The following SLC9A7 variants were observed in gnomAD, a reference collection of about 807,000 sequenced individuals.
SLC9A7 encodes solute carrier family 9 member A7.
SLC9A7 carries 19 observed loss-of-function variants against 52.6 expected under a neutral mutation model. The observed-to-expected ratio is 0.36, with a 90% CI of 0.25 to 0.53. SLC9A7 has a LOEUF of 0.53. Ranked by LOEUF, SLC9A7 falls within the 20% of genes least tolerant of loss-of-function variation. SLC9A7 has a pLI of 0.91. For missense variants in SLC9A7, 455 were observed against 597.9 expected (o/e 0.76, Z 2.49); for synonymous variants, 226 against 252.1 (o/e 0.90, Z 0.98).
At chrX:46,669,078 G>A (rs1488025429) in intron 5 of SLC9A7, among the ~76,000 whole-genome samples, 3 of 107,510 alleles carry the variant, frequency 2.8e-5, no homozygotes, top group African/African-American at 1.0e-4. Context: ...TGAGGCAGGA[G>A]AATGGCGTGA....
intron 1 of SLC9A7, among the ~76,000 whole-genome samples, chrX:46,755,901 T>C (rs782613230): frequency 9.2e-6 from 1 of 108,708 alleles, no homozygotes; most frequent in South Asian, 4.0e-4. Flanking sequence ...CCCACTCCTA[T>C]TTCACAGCCA....
intron 11 of SLC9A7, chrX:46,647,100 G>T: frequency 3.0e-6 from 1 of 333,726 alleles, no homozygotes. Context: ...ACTACGGGCA[G>T]CCACATCAGG....
intron 1 of SLC9A7, among the ~76,000 whole-genome samples, chrX:46,723,421 G>A (rs763539285): frequency 4.6e-5 from 5 of 109,363 alleles, no homozygotes; most frequent in Non-Finnish European, 9.5e-5. Flanking sequence ...CACACTCATT[G>A]TTCAGACTTG....
rs782133366 is a variant in SLC9A7 at position 46,758,750 on chromosome X, G to T, written c.280C>A (p.Arg94Ser). Residue 94 changes from arginine to serine, a missense_variant, in exon 1 of 17, where the codon CGC (arginine) becomes AGC (serine). Physicochemically the swap from Arg to Ser is moderately radical, Grantham distance 110. Coordinates refer to ENST00000616978, the MANE Select transcript of SLC9A7 (RefSeq NM_001257291.2). ...TILTIWLFKH[R>S]RVRFLHETGL... ...GTCTCGTGCAGAAAGCGCACCCGGC[G>T]GTGCTTGAAGAGCCAGATGGTGAGG... is the stretch of plus-strand genomic sequence containing the variant. 1 of 1,199,081 alleles carries T rather than the reference G, an allele frequency of 8.3e-7. No homozygotes were observed. Among genetic ancestry groups the T allele is most frequent in the Non-Finnish European group, 1.1e-6 (1 of 888,990 alleles).
At chrX:46,668,084 TCTA>T (rs1303365588) in intron 5 of SLC9A7, among the ~76,000 whole-genome samples, 1 of 112,335 alleles carries the variant, frequency 8.9e-6, no homozygotes, top group African/African-American at 3.2e-5. Flanking sequence ...CATGTGTGTT[TCTA>T]CTAAGAAAAG....
chrX:46,661,200 C>T (rs1176028264), intron 7 of SLC9A7, among the ~76,000 whole-genome samples: 1 of 102,580 alleles, frequency 9.7e-6, no homozygotes, highest in Non-Finnish European at 2.0e-5. Flanking sequence ...GGAAGGGGAA[C>T]ATCACACTCT....
intron 4 of SLC9A7, among the ~76,000 whole-genome samples, chrX:46,672,239 T>C (rs1944036323): frequency 8.9e-6 from 1 of 111,736 alleles, no homozygotes; most frequent in African/African-American, 3.3e-5. Context: ...CATTACAAGA[T>C]ACTCCCTTTT....
chrX:46,635,967 G>T lies in SLC9A7; in HGVS notation c.1617-319C>A, dbSNP rs188759535. 4.1e-3 allele frequency among the ~76,000 whole-genome samples: 463 copies of T among 111,720 alleles called. 1 individual carries two copies. Among genetic ancestry groups the T allele is most frequent in the Middle Eastern group, 0.033 (7 of 215 alleles). On this transcript the variant is annotated intron_variant, in intron 12 of 16. Coordinates refer to ENST00000616978, the MANE Select transcript of SLC9A7 (RefSeq NM_001257291.2). ...AAAACAAATTTACATAATTTTTTCA[G>T]AAATTCATTTGTTTATAAAGATACC...
intron 12 of SLC9A7, among the ~76,000 whole-genome samples, chrX:46,642,317 GC>G (rs765219570): frequency 2.0e-4 from 22 of 112,769 alleles, no homozygotes; most frequent in Non-Finnish European, 3.6e-4. Flanking sequence ...CCACCTTGTG[GC>G]TTTTCAGAGA....
chrX:46,714,487 CCTACTGGACT>C (rs948587787), intron 1 of SLC9A7, among the ~76,000 whole-genome samples: 4 of 111,616 alleles, frequency 3.6e-5, no homozygotes, highest in African/African-American at 9.8e-5. Context: ...AATTTTATTT[CCTACTGGACT>C]CTACAAGGAC....
rs1230687657 is a variant in SLC9A7 at position 46,606,910 on chromosome X, C to T, written c.*42G>A. 8.3e-7 allele frequency: 1 copy of T among 1,206,800 alleles called. No individual in the cohort carries two copies. The highest frequency in any genetic ancestry group is 1.8e-5 in the African/African-American group (1 of 57,017). On this transcript the variant is annotated 3_prime_UTR_variant, in exon 17 of 17. Transcript: ENST00000616978. ...CTAGGGCTTGCAGCTGTCCTCACCCCATCGGGAGCCTACCCCATCGCGCCA... is the reference window on the plus strand; with the variant it reads ...CTAGGGCTTGCAGCTGTCCTCACCCTATCGGGAGCCTACCCCATCGCGCCA...
chrX:46,746,870 A>G (rs775143461), intron 1 of SLC9A7, among the ~76,000 whole-genome samples: 1 of 112,780 alleles, frequency 8.9e-6, no homozygotes, highest in Non-Finnish European at 1.9e-5. Context: ...GTTCACAATA[A>G]CCAAAATATG....
At chrX:46,732,890 G>C (rs1042655602) in intron 1 of SLC9A7, among the ~76,000 whole-genome samples, 2 of 112,070 alleles carry the variant, frequency 1.8e-5, no homozygotes, top group Non-Finnish European at 3.8e-5. Context: ...AGCTATGAAA[G>C]AAAAGAATGA....
chrX:46,732,496 T>TGAGCC (rs995502611), intron 1 of SLC9A7, among the ~76,000 whole-genome samples: 3 of 108,406 alleles, frequency 2.8e-5, no homozygotes, highest in Non-Finnish European at 3.8e-5. Flanking sequence ...GAGGTTGCAG[T>TGAGCC]GAGCCAAGAT....
In SLC9A7 at chrX:46,758,632, G is replaced by A. The variant is rs997309479; in HGVS notation, c.325+73C>T. On this transcript the variant is annotated intron_variant, in intron 1 of 16. Coordinates refer to ENST00000616978, the MANE Select transcript of SLC9A7 (RefSeq NM_001257291.2). ...GAACACGTTGGCAAGTGAAGGGGGAGCACCGCGCGGCGCCAGGAGGAGCGC... is the reference window on the plus strand; with the variant it reads ...GAACACGTTGGCAAGTGAAGGGGGAACACCGCGCGGCGCCAGGAGGAGCGC... 11 of 663,473 alleles carry A rather than the reference G, an allele frequency of 1.7e-5. No homozygotes were observed. In the African/African-American group the frequency reaches 2.3e-4, roughly 14 times the overall value. The allele number at this position is 663,473 out of a possible 1,213,427, so 54.7% of individuals were successfully genotyped here.
Position 46,636,634 on chromosome X carries a change from T to C in SLC9A7, c.1617-986A>G, listed in dbSNP as rs754361823. Among the ~76,000 whole-genome samples the C allele has an allele frequency of 3.7e-5, 4 of 109,304 alleles. No homozygotes were observed. In the East Asian group the frequency reaches 1.1e-3, roughly 31 times the overall value. The allele number at this position is 109,304 out of a possible 115,157, so 94.9% of individuals were successfully genotyped here. A position where few individuals can be genotyped will look rare whatever the true frequency, so the allele number is the denominator to read the frequency against. ...TCATGGGTATAAAAATTGGTTCTTG[T>C]AGGTTAAAAAAAAAAAACCACTCAG... On this transcript the variant is annotated intron_variant, in intron 12 of 16. Coordinates refer to ENST00000616978, the MANE Select transcript of SLC9A7 (RefSeq NM_001257291.2).
rs758055669 is a variant in SLC9A7 at position 46,662,133 on chromosome X, C to T, written c.924G>A (p.Ala308=). ...CATCAAAGGCGTGAGTGTTCAGTCCCGCTGGCTGGTAGGCAACAATAGACC... is the reference window on the plus strand; with the variant it reads ...CATCAAAGGCGTGAGTGTTCAGTCCTGCTGGCTGGTAGGCAACAATAGACC... The part of the protein sequence containing the change: ...LSSSIVAYQP[A]GLNTHAFDAA... Residue 308 remains alanine, a synonymous_variant, in exon 7 of 17, where the codon GCG becomes GCA. Coordinates refer to ENST00000616978, the MANE Select transcript of SLC9A7 (RefSeq NM_001257291.2). 2.0e-5 allele frequency: 24 copies of T among 1,206,672 alleles called. No individual in the cohort carries two copies. The highest frequency in any genetic ancestry group is 1.1e-4 in the African/African-American group (6 of 56,959).
chrX:46,688,741 C>T lies in SLC9A7; in HGVS notation c.326-6206G>A, dbSNP rs151303651. 4.0e-3 allele frequency among the ~76,000 whole-genome samples: 444 copies of T among 110,634 alleles called. 5 individuals are homozygous for T. The highest frequency in any genetic ancestry group is 0.014 in the African/African-American group (427 of 30,515). ...TGCATTTCCCTAATGCCTAAAGATGCTGAGCATCTTTTTATGTGCTTATAG... is the reference window on the plus strand; with the variant it reads ...TGCATTTCCCTAATGCCTAAAGATGTTGAGCATCTTTTTATGTGCTTATAG... On this transcript the variant is annotated intron_variant, in intron 1 of 16. Coordinates refer to ENST00000616978, the MANE Select transcript of SLC9A7 (RefSeq NM_001257291.2).
chrX:46,613,904 T>C lies in SLC9A7; in HGVS notation c.1824-510A>G, dbSNP rs145007086. Among the ~76,000 whole-genome samples, 38 of 111,921 alleles carry C rather than the reference T, an allele frequency of 3.4e-4. 1 individual carries two copies. Among genetic ancestry groups the C allele is most frequent in the African/African-American group, 1.1e-3 (35 of 30,818 alleles). ...CCTTAGAGGTAGCCTGGGGCTACTA[T>C]AAAGGCAGAAATTGAGACTTGGCAA... On this transcript the variant is annotated intron_variant, in intron 15 of 16. Coordinates refer to ENST00000616978, the MANE Select transcript of SLC9A7 (RefSeq NM_001257291.2).
Sources: gnomAD v4.1 joint callset for allele counts (sites outside exome capture counted in the v4.1 genomes callset) on GRCh38, gnomAD v4.1.1 for gene constraint, MANE v1.5 for transcripts, NCBI Gene and HGNC (gene_info 2026-07-23, HGNC 2026-07-21) for gene names.